The following NSUN3 variants were observed in gnomAD, a reference collection of about 807,000 sequenced individuals.
NSUN3 encodes NOP2/Sun RNA methyltransferase 3.
Under a neutral mutation model 36.8 loss-of-function variants are expected in NSUN3, and 24 were observed. The ratio of observed to expected loss-of-function variants is 0.65; its 90% CI spans 0.47 to 0.92. The LOEUF (loss-of-function observed/expected upper bound fraction) is 0.92, where lower values mean the gene tolerates loss of function less well. NSUN3 is among the 40% of genes least tolerant of loss of function. The pLI is 0.00. For synonymous variants in NSUN3, 146 were observed against 145.2 expected, an observed-to-expected ratio of 1.01 and a Z score of -0.04; for missense variants, 381 against 392.8, an observed-to-expected ratio of 0.97 and a Z score of 0.25.
At position 94,126,607 on chromosome 3, in the gene NSUN3, A is replaced by T; in HGVS notation, c.*117A>T. 1.1e-6 allele frequency: 1 copy of T among 887,700 alleles called. No individual in the cohort carries two copies. The highest frequency in any genetic ancestry group is 1.7e-6 in the Non-Finnish European group (1 of 590,968). The allele number at this position is 887,700 out of a possible 1,614,324, so 55.0% of individuals were successfully genotyped here. A position where few individuals can be genotyped will look rare whatever the true frequency, so the allele number is the denominator to read the frequency against. ...TCTGGGTCTGTTTGGAATCCTATTTAGTTAATACTTTAGCATCTTAGAATC... is the reference window on the plus strand; with the variant it reads ...TCTGGGTCTGTTTGGAATCCTATTTTGTTAATACTTTAGCATCTTAGAATC... On this transcript the variant is annotated 3_prime_UTR_variant, in exon 6 of 6. Coordinates refer to ENST00000314622, the MANE Select transcript of NSUN3 (RefSeq NM_022072.5).
At position 94,076,991 on chromosome 3, in the gene NSUN3, T is replaced by C. The variant is rs546515175; in HGVS notation, c.123-7116T>C. 4 of 922,652 alleles carry C rather than the reference T, an allele frequency of 4.3e-6. No individual in the cohort carries two copies. In the East Asian group the frequency reaches 9.6e-5, roughly 22 times the overall value. 57.2% of individuals were successfully genotyped at this position (922,652 alleles called of 1,614,324 possible). On this transcript the variant is annotated intron_variant, in intron 2 of 5. Coordinates refer to ENST00000314622, the MANE Select transcript of NSUN3 (RefSeq NM_022072.5). ...GTACCCAGGACAAGTCGATGAATGC[T>C]GAAATCTTTCCCTTCTGGTCTGGTT...
chr3:94,075,263 CAAAA>C (rs942093263), intron 2 of NSUN3, among the ~76,000 whole-genome samples: 115 of 149,810 alleles, frequency 7.7e-4, no homozygotes, highest in African/African-American at 2.7e-3. Flanking sequence ...AACAAACAAA[CAAAA>C]AAAAGCCACA....
intron 2 of NSUN3, among the ~76,000 whole-genome samples, chr3:94,072,261 G>A (rs2077227359): frequency 6.6e-6 from 1 of 152,046 alleles, no homozygotes; most frequent in Admixed American, 6.6e-5. Context: ...TCACACGTTG[G>A]GAATCACTTC....
At chr3:94,083,567 C>T (rs768355870) in intron 2 of NSUN3, among the ~76,000 whole-genome samples, 4 of 152,124 alleles carry the variant, frequency 2.6e-5, no homozygotes, top group Non-Finnish European at 5.9e-5. Flanking sequence ...TGGTTATGGA[C>T]AGCAACCAGA....
intron 5 of NSUN3, among the ~76,000 whole-genome samples, chr3:94,098,096 C>A (rs1420863314): frequency 6.6e-6 from 1 of 152,140 alleles, no homozygotes; most frequent in Non-Finnish European, 1.5e-5. Flanking sequence ...AGAAATTCCA[C>A]CAACCTGCCT....
chr3:94,085,284 A>T (rs1050733580), intron 3 of NSUN3: 1 of 152,176 alleles, frequency 6.6e-6, no homozygotes, highest in Non-Finnish European at 1.5e-5. Context: ...CAAAATTTAC[A>T]ATTTTTTTCT....
Position 94,064,450 on chromosome 3 carries a change from CAG to C in NSUN3, c.29_30del (p.Glu10GlyfsTer16), listed in dbSNP as rs887083292. The C allele has an allele frequency of 3.1e-6, 5 of 1,612,732 alleles. No homozygotes were observed. The highest frequency in any genetic ancestry group is 3.4e-6 in the Non-Finnish European group (4 of 1,179,068). ...TTATCGTCATAGCTGAAAGCAAAAT[CAG>C]AGGGGAAGCTTGCAAAACAGATTTG... On this transcript the variant is annotated frameshift_variant, in exon 2 of 6. Transcript: ENST00000314622. LOFTEE classifies it high-confidence loss of function.
intron 5 of NSUN3, among the ~76,000 whole-genome samples, chr3:94,123,032 T>A (rs2077470642): frequency 6.6e-6 from 1 of 152,234 alleles, no homozygotes; most frequent in Non-Finnish European, 1.5e-5. Context: ...GAAACATTTT[T>A]TCTAGAATCA....
At chr3:94,091,377 A>C (rs1481598218) in intron 3 of NSUN3, among the ~76,000 whole-genome samples, 1 of 152,172 alleles carries the variant, frequency 6.6e-6, no homozygotes, top group Non-Finnish European at 1.5e-5. Flanking sequence ...TTTCACCAAC[A>C]ATTCTGAAGG....
intron 2 of NSUN3, chr3:94,077,085 A>G (rs2107241290): frequency 1.4e-5 from 11 of 783,862 alleles, no homozygotes; most frequent in African/African-American, 3.4e-5. Flanking sequence ...AATCATAAAG[A>G]AAAGGGGTGT....
At chr3:94,065,236 A>C (rs1205649395) in intron 2 of NSUN3, among the ~76,000 whole-genome samples, 1 of 152,180 alleles carries the variant, frequency 6.6e-6, no homozygotes, top group Non-Finnish European at 1.5e-5. Flanking sequence ...TAATGGGAGA[A>C]GTGAGGAGAT....
chr3:94,076,619 G>T, intron 2 of NSUN3: 1 of 935,292 alleles, frequency 1.1e-6, no homozygotes, highest in Non-Finnish European at 1.8e-6. Flanking sequence ...ACTGAGATTT[G>T]GCCAAGAAAG....
intron 5 of NSUN3, among the ~76,000 whole-genome samples, chr3:94,107,002 G>C (rs889036113): frequency 1.3e-5 from 2 of 151,812 alleles, no homozygotes; most frequent in African/African-American, 4.8e-5. Flanking sequence ...AGGTGCACTG[G>C]CACAATCTCA....
chr3:94,087,759 T>A (rs986404105), intron 3 of NSUN3, among the ~76,000 whole-genome samples: 1 of 152,120 alleles, frequency 6.6e-6, no homozygotes. Flanking sequence ...CAGCCTTGAC[T>A]TCCTGGGTTC....
In NSUN3 at chr3:94,090,199, A is replaced by G. The variant is rs536850550; in HGVS notation, c.467-3941A>G. Among the ~76,000 whole-genome samples the G allele has an allele frequency of 3.3e-5, 5 of 152,222 alleles. No homozygotes were observed. The South Asian group carries it at 1.0e-3, about 32-fold the overall frequency. On this transcript the variant is annotated intron_variant, in intron 3 of 5. Transcript: ENST00000314622. Reference sequence around the variant, plus strand: ...TAAATATGCCCCTTTTCCTGTTAAGATGAAAAAAAAAATTAAGATTTGGTT... The same window carrying G: ...TAAATATGCCCCTTTTCCTGTTAAGGTGAAAAAAAAAATTAAGATTTGGTT...
At chr3:94,063,937 C>T (rs140908975) in intron 1 of NSUN3, 2,630 of 155,400 alleles carry the variant, frequency 0.017, 36 homozygotes, top group Non-Finnish European at 0.026. Flanking sequence ...CAACCTCCAC[C>T]TCCTGAGTTC....
chr3:94,108,119 G>GA (rs1398786279), intron 5 of NSUN3, among the ~76,000 whole-genome samples: 1 of 150,786 alleles, frequency 6.6e-6, no homozygotes, highest in South Asian at 2.1e-4. Flanking sequence ...TTTAAACTTA[G>GA]AAAAAAATGT....
chr3:94,076,318 G>A, intron 2 of NSUN3: 4 of 850,782 alleles, frequency 4.7e-6, no homozygotes, highest in South Asian at 2.6e-5. Context: ...CCTGTGGCAA[G>A]AATGAACTCA....
intron 3 of NSUN3, 128 bp from the exon 4 acceptor site, chr3:94,094,012 T>C: frequency 1.5e-6 from 1 of 666,948 alleles, no homozygotes; most frequent in Non-Finnish European, 2.5e-6. Context: ...AATAATAATG[T>C]TTACCTCTGA....
Sources: allele counts gnomAD v4.1 joint callset (sites outside exome capture counted in the v4.1 genomes callset), GRCh38; gene constraint gnomAD v4.1.1; transcripts MANE v1.5; gene names NCBI Gene and HGNC (gene_info 2026-07-23, HGNC 2026-07-21).